Variants in DEPTOR observed in about 807,000 individuals in gnomAD.
The protein encoded by DEPTOR is DEP domain containing MTOR interacting protein, also known as DEP domain-containing mTOR-interacting protein.
A neutral mutation model predicts 41.6 loss-of-function variants in DEPTOR; 41 were observed. The observed-to-expected ratio is 0.98, with a 90% CI of 0.77 to 1.28. DEPTOR has a LOEUF of 1.28. Ranked by LOEUF, DEPTOR falls within the 50% of genes most tolerant of loss-of-function variation. The pLI, the probability that DEPTOR is intolerant of heterozygous loss-of-function variation, is 0.00. For missense variants in DEPTOR, 514 were observed against 527.9 expected, an observed-to-expected ratio of 0.97 and a Z score of 0.26; for synonymous variants, 195 against 192.3, an observed-to-expected ratio of 1.01 and a Z score of -0.12.
chr8:120,028,452 CTTT>C (rs754049805), intron 8 of DEPTOR, among the ~76,000 whole-genome samples: 1 of 107,362 alleles, frequency 9.3e-6, no homozygotes, highest in Non-Finnish European at 1.9e-5. Flanking sequence ...AGCTCCAAAT[CTTT>C]TTTTTTTTTT....
In DEPTOR at chr8:119,957,269, C is replaced by G. The variant is rs117372430; in HGVS notation, c.426-7963C>G. On this transcript the variant is annotated intron_variant, in intron 3 of 8. Transcript: ENST00000286234. ...AATTAAATTTAATTTATTCACTTAG[C>G]TTTTTGAAAACCTACTGTGCTAGGA... Among the ~76,000 whole-genome samples, 50 of 152,282 alleles carry G rather than the reference C, an allele frequency of 3.3e-4. 1 individual carries two copies. The East Asian group carries it at 9.4e-3, about 29-fold the overall frequency.
rs1013740850 is a variant in DEPTOR at position 120,012,826 on chromosome 8, C to T, written c.1101+3693C>T. On this transcript the variant is annotated intron_variant, in intron 8 of 8. Coordinates refer to ENST00000286234, the MANE Select transcript of DEPTOR (RefSeq NM_022783.4). Reference sequence around the variant, plus strand: ...CTGGGATTACAAGCGTGAGCCACCACGCCCAGCCGAATTTTTTAGCTTTAT... The same window carrying T: ...CTGGGATTACAAGCGTGAGCCACCATGCCCAGCCGAATTTTTTAGCTTTAT... 1.1e-4 allele frequency among the ~76,000 whole-genome samples: 16 copies of T among 152,092 alleles called. No homozygotes were observed. In the South Asian group the frequency reaches 1.7e-3, roughly 16 times the overall value.
At chr8:120,036,156 A>G (rs187504230) in intron 8 of DEPTOR, among the ~76,000 whole-genome samples, 3 of 152,288 alleles carry the variant, frequency 2.0e-5, no homozygotes, top group African/African-American at 7.2e-5. Context: ...ACCAAGAGGG[A>G]GCCTAGATCT....
intron 3 of DEPTOR, among the ~76,000 whole-genome samples, chr8:119,930,440 T>G (rs139211656): frequency 0.049 from 7,521 of 152,246 alleles, 284 homozygotes; most frequent in South Asian, 0.15. Flanking sequence ...TTTCACCATG[T>G]TGGCCAGGCT....
At chr8:119,973,125 G>C (rs1563578693) in intron 4 of DEPTOR, among the ~76,000 whole-genome samples, 1 of 151,750 alleles carries the variant, frequency 6.6e-6, no homozygotes, top group Non-Finnish European at 1.5e-5. Flanking sequence ...TTTTAGTAGA[G>C]ACAGTGTTTC....
intron 8 of DEPTOR, among the ~76,000 whole-genome samples, chr8:120,047,852 A>C (rs6469894): frequency 0.45 from 68,198 of 151,502 alleles, 16,171 homozygotes; most frequent in African/African-American, 0.59. Flanking sequence ...TCAAGACCAG[A>C]CTGGCCAACA....
At chr8:119,996,135 A>C (rs928644066) in intron 4 of DEPTOR, among the ~76,000 whole-genome samples, 6 of 152,214 alleles carry the variant, frequency 3.9e-5, no homozygotes, top group Non-Finnish European at 7.3e-5. Context: ...GTGAATAAAC[A>C]CGTGGCAACC....
chr8:119,908,491 A>G (rs1827696522), intron 1 of DEPTOR, among the ~76,000 whole-genome samples: 1 of 149,802 alleles, frequency 6.7e-6, no homozygotes, highest in African/African-American at 2.5e-5. Flanking sequence ...GACTTCTGTG[A>G]GCCTTCCTAA....
chr8:119,997,390 A>G (rs1435083348), intron 4 of DEPTOR, among the ~76,000 whole-genome samples: 4 of 152,060 alleles, frequency 2.6e-5, no homozygotes, highest in African/African-American at 4.8e-5. Flanking sequence ...ATGCTCCACC[A>G]TGCCTGGCTA....
intron 1 of DEPTOR, among the ~76,000 whole-genome samples, chr8:119,879,680 C>T (rs1192108027): frequency 6.6e-6 from 1 of 151,936 alleles, no homozygotes; most frequent in African/African-American, 2.4e-5. Flanking sequence ...CATGACACTC[C>T]AGCCTGGGTG....
chr8:119,961,129 A>C (rs1828484976), intron 3 of DEPTOR, among the ~76,000 whole-genome samples: 1 of 151,932 alleles, frequency 6.6e-6, no homozygotes, highest in Admixed American at 6.6e-5. Flanking sequence ...TGAATAAAAG[A>C]AAAGTGGCTG....
chr8:119,877,780 T>C (rs1192705608), intron 1 of DEPTOR, among the ~76,000 whole-genome samples: 1 of 152,232 alleles, frequency 6.6e-6, no homozygotes, highest in East Asian at 1.9e-4. Context: ...TCTTCCCACA[T>C]AAGATTTGTG....
chr8:119,878,346 A>G (rs13267652), intron 1 of DEPTOR, among the ~76,000 whole-genome samples: 76,616 of 146,494 alleles, frequency 0.52, 20,953 homozygotes, highest in East Asian at 0.92. Context: ...TTAAGACAGC[A>G]TCTTCACTTT....
chr8:119,916,954 A>G (rs907304029), intron 1 of DEPTOR, among the ~76,000 whole-genome samples: 2 of 152,298 alleles, frequency 1.3e-5, no homozygotes, highest in African/African-American at 4.8e-5. Flanking sequence ...TTTTGTTGCT[A>G]GAGATGGGGT....
At chr8:119,894,135 G>T (rs1437819665) in intron 1 of DEPTOR, among the ~76,000 whole-genome samples, 1 of 151,958 alleles carries the variant, frequency 6.6e-6, no homozygotes, top group Admixed American at 6.6e-5. Flanking sequence ...GTGGTGTGAT[G>T]ATGGCTCACT....
chr8:119,928,836 C>A (rs1219913158), intron 2 of DEPTOR, among the ~76,000 whole-genome samples: 1 of 151,626 alleles, frequency 6.6e-6, no homozygotes, highest in African/African-American at 2.4e-5. Context: ...GGTGATCTGC[C>A]CGCCTCAGCC....
At chr8:119,901,623 C>T (rs960447859) in intron 1 of DEPTOR, among the ~76,000 whole-genome samples, 2 of 151,144 alleles carry the variant, frequency 1.3e-5, no homozygotes, top group African/African-American at 2.4e-5. Context: ...TTGCAGTCAG[C>T]CGAGATTGTG....
chr8:119,920,803 G>A (rs1827880774), intron 1 of DEPTOR, among the ~76,000 whole-genome samples: 1 of 152,074 alleles, frequency 6.6e-6, no homozygotes, highest in Non-Finnish European at 1.5e-5. Context: ...AGTGCACATG[G>A]CTTGGAAGAG....
At chr8:119,944,845 AG>A (rs1400834839) in intron 3 of DEPTOR, among the ~76,000 whole-genome samples, 1 of 151,982 alleles carries the variant, frequency 6.6e-6, no homozygotes, top group Non-Finnish European at 1.5e-5. Flanking sequence ...TAGTAGAGAC[AG>A]GGTTTAACCA....
Sources: gnomAD v4.1 joint callset for allele counts (sites outside exome capture counted in the v4.1 genomes callset) on GRCh38, gnomAD v4.1.1 for gene constraint, MANE v1.5 for transcripts, NCBI Gene and HGNC (gene_info 2026-07-23, HGNC 2026-07-21) for gene names.